NUP153: variants seen among roughly 807,000 people sequenced by gnomAD.
The protein encoded by NUP153 is nuclear pore complex protein Nup153.
In NUP153, 27 loss-of-function variants were observed where a neutral mutation model predicts 134.6. That is an observed-to-expected ratio of 0.20 (90% confidence interval 0.15 to 0.28). The LOEUF is 0.28. Ranked by LOEUF, NUP153 falls within the 10% of genes least tolerant of loss-of-function variation. The pLI, the probability that NUP153 is intolerant of heterozygous loss-of-function variation, is 1.00. For missense variants in NUP153, 1,821 were observed against 1,731.3 expected, an observed-to-expected ratio of 1.05 and a Z score of -0.92; for synonymous variants, 640 against 623.5, an observed-to-expected ratio of 1.03 and a Z score of -0.40.
chr6:17,680,568 C>CCATG lies in NUP153; in HGVS notation c.335-4802_335-4799dup, dbSNP rs1047399261. On this transcript the variant is annotated intron_variant, in intron 2 of 21. Coordinates refer to ENST00000262077, the MANE Select transcript of NUP153 (RefSeq NM_005124.4). The surrounding 1 kb of genome is among the most constrained non-coding windows in gnomAD (Gnocchi z 4.5). The stretch of plus-strand genomic sequence containing the variant: ...TCAGATACAACACTAAAAGCACAGG[C>CCATG]CATGGAAGCAAAAACAGACAAACAG... 3.3e-5 allele frequency among the ~76,000 whole-genome samples: 5 copies of CCATG among 152,090 alleles called. No homozygotes were observed. The highest frequency in any genetic ancestry group is 1.3e-4 in the Admixed American group (2 of 15,256).
chr6:17,702,985 G>T (rs189615577), intron 1 of NUP153, among the ~76,000 whole-genome samples: 5 of 121,740 alleles, frequency 4.1e-5, no homozygotes, highest in African/African-American at 1.2e-4. Flanking sequence ...TGGATCACCT[G>T]AGGTCAGGAG....
At chr6:17,668,844 A>G in intron 8 of NUP153, 131 bp downstream of exon 8, 1 of 586,844 alleles carries the variant, frequency 1.7e-6, no homozygotes, top group South Asian at 2.3e-5. Flanking sequence ...CTGAGACTCA[A>G]AAAAAAAAAG....
intron 1 of NUP153, among the ~76,000 whole-genome samples, chr6:17,693,054 C>G (rs1304020138): frequency 1.3e-5 from 2 of 152,120 alleles, no homozygotes; most frequent in African/African-American, 4.8e-5. Flanking sequence ...ACATACAGTT[C>G]ATAAAATTAT....
chr6:17,624,472 A>G (rs1764815178), intron 20 of NUP153, 89 bp downstream of exon 20: 3 of 1,230,432 alleles, frequency 2.4e-6, no homozygotes, highest in Non-Finnish European at 3.5e-6. Context: ...TTTTAAAATT[A>G]GACATATGAA....
At position 17,629,478 on chromosome 6, in the gene NUP153, G is replaced by A. The variant is rs1249630016; in HGVS notation, c.2721C>T (p.Val907=). 6.2e-7 allele frequency: 1 copy of A among 1,608,864 alleles called. No homozygotes were observed. The highest frequency in any genetic ancestry group is 1.1e-5 in the South Asian group (1 of 89,614). Reference sequence around the variant, plus strand: ...GAGAAGGCCCAGAAGAGGATGATGAGACACCAAATTTGAAGGATGAGGAGG... The same window carrying A: ...GAGAAGGCCCAGAAGAGGATGATGAAACACCAAATTTGAAGGATGAGGAGG... ...SAASSSFKFG[V]SSSSSGPSQT... The change falls in exon 18 of 22, where the codon GTC becomes GTT. Residue 907 remains valine, a synonymous_variant. Transcript: ENST00000262077.
intron 8 of NUP153, among the ~76,000 whole-genome samples, chr6:17,668,577 CTCACACCTTAG>C (rs1232491563): frequency 1.2e-4 from 18 of 152,156 alleles, no homozygotes; most frequent in African/African-American, 2.6e-4. Flanking sequence ...GGCACAGTGG[CTCACACCTTAG>C]TCCCGGCACT....
At chr6:17,651,785 C>A in intron 11 of NUP153, 2 of 555,482 alleles carry the variant, frequency 3.6e-6, no homozygotes, top group Middle Eastern at 3.9e-4. Flanking sequence ...CTCATGAGGG[C>A]CTCAAAATCC....
In NUP153 at chr6:17,626,069, T is replaced by C; in HGVS notation, c.3640A>G (p.Ser1214Gly). ...GGTGGATTGGAGGAAGAGGTGGAAC[T>C]ACCAAATATGCCACCACCAGCAGAA... ...ATSAGGGIFG[S>G]STSSSNPPVA... Residue 1214 changes from serine (S) to glycine (G), a missense_variant, in exon 19 of 22, where the codon AGT becomes GGT. By Grantham distance (56) the Ser-to-Gly change is moderately conservative (BLOSUM62 0). Transcript: ENST00000262077. 3 of 1,614,066 alleles carry C rather than the reference T, an allele frequency of 1.9e-6. No individual in the cohort carries two copies. Among genetic ancestry groups the C allele is most frequent in the Non-Finnish European group, 2.5e-6 (3 of 1,180,018 alleles).
Position 17,625,938 on chromosome 6 carries a change from A to C in NUP153, c.3771T>G (p.Asp1257Glu), listed in dbSNP as rs1581664481. The C allele has an allele frequency of 6.2e-7, 1 of 1,614,174 alleles. No homozygotes were observed. Residue 1257 changes from aspartate (D) to glutamate (E), a missense_variant, in exon 19 of 22, where the codon GAT (aspartate) becomes GAG (glutamate). Asp to Glu is a conservative substitution (Grantham distance 45). Coordinates refer to ENST00000262077, the MANE Select transcript of NUP153 (RefSeq NM_005124.4). The surrounding 1 kb of genome is among the most constrained non-coding windows in gnomAD (Gnocchi z 4.7). ...STSQSLLFSQ[D>E]SKLATTSSTG... ...TGCTGGATGTGGTTGCTAGTTTGCT[A>C]TCTTGAGAAAATAGCAAAGACTGAG... is the stretch of plus-strand genomic sequence containing the variant.
At chr6:17,681,031 AAATG>A (rs2113840932) in intron 2 of NUP153, among the ~76,000 whole-genome samples, 1 of 152,324 alleles carries the variant, frequency 6.6e-6, no homozygotes, top group South Asian at 2.1e-4. Flanking sequence ...ATCCATCCAC[AAATG>A]AATGGACAAA....
At chr6:17,673,141 G>C (rs1484668189) in intron 5 of NUP153, among the ~76,000 whole-genome samples, 2 of 152,188 alleles carry the variant, frequency 1.3e-5, no homozygotes, top group Non-Finnish European at 2.9e-5. Flanking sequence ...GGCCAACGCG[G>C]GTGAATCACA....
intron 1 of NUP153, among the ~76,000 whole-genome samples, chr6:17,691,416 A>C (rs1324187536): frequency 6.6e-6 from 1 of 152,222 alleles, no homozygotes; most frequent in Non-Finnish European, 1.5e-5. Context: ...CTAGTTACTT[A>C]TCCCATTTCC....
At chr6:17,701,831 T>TTGGG (rs1180643494) in intron 1 of NUP153, among the ~76,000 whole-genome samples, 3 of 15,054 alleles carry the variant, frequency 2.0e-4, no homozygotes, top group Admixed American at 1.3e-3. Context: ...AGACTCTGTC[T>TTGGG]CGGGGGGGGG....
rs922967651 is a variant in NUP153, at chr6:17,701,837, G to GC, written c.111+4439_111+4440insG. ...AACAGAGCAAGACTCTGTCTCGGGG[G>GC]GGGGGGGAAAAAAGCTAAATGCAGG... On this transcript the variant is annotated intron_variant, in intron 1 of 21. Coordinates refer to ENST00000262077, the MANE Select transcript of NUP153 (RefSeq NM_005124.4). Among the ~76,000 whole-genome samples, 215 of 106,752 alleles carry GC rather than the reference G, an allele frequency of 2.0e-3. 24 individuals carry two copies. The highest frequency in any genetic ancestry group is 6.7e-3 in the African/African-American group (189 of 28,206). 70.0% of individuals were successfully genotyped at this position (106,752 alleles called of 152,430 possible).
At chr6:17,631,087 T>C (rs866626179) in intron 17 of NUP153, among the ~76,000 whole-genome samples, 1 of 152,184 alleles carries the variant, frequency 6.6e-6, no homozygotes, top group African/African-American at 2.4e-5. Flanking sequence ...ATGCAGTGTT[T>C]TTCAAACTGC....
At chr6:17,674,159 G>A (rs1213347666) in intron 5 of NUP153, among the ~76,000 whole-genome samples, 4 of 152,182 alleles carry the variant, frequency 2.6e-5, no homozygotes, top group African/African-American at 9.7e-5. Context: ...GGTTGCCAGA[G>A]GGTTGTAGGA....
Position 17,637,456 on chromosome 6 carries a change from G to A in NUP153, c.2161C>T (p.Pro721Ser). 6.2e-7 allele frequency: 1 copy of A among 1,614,184 alleles called. No homozygotes were observed. The highest frequency in any genetic ancestry group is 1.1e-5 in the South Asian group (1 of 91,088). Reference protein sequence around the residue: ...SGTGFGDKFKPVIGTWDCDTC... With the variant: ...SGTGFGDKFKSVIGTWDCDTC... ...TCACAATCCCAAGTGCCTATCACTGGTTTAAATTTGTCTCCAAAGCCTGTC... is the reference window on the plus strand; with the variant it reads ...TCACAATCCCAAGTGCCTATCACTGATTTAAATTTGTCTCCAAAGCCTGTC... The change falls in exon 16 of 22, where the codon CCA becomes TCA. Residue 721 changes from proline (P) to serine (S), a missense_variant. Transcript: ENST00000262077.
Position 17,661,703 on chromosome 6 carries a change from T to C in NUP153, c.1345A>G (p.Met449Val), listed in dbSNP as rs1767194327. 6.2e-7 allele frequency: 1 copy of C among 1,614,018 alleles called. No homozygotes were observed. Among genetic ancestry groups the C allele is most frequent in the Non-Finnish European group, 8.5e-7 (1 of 1,179,948 alleles). Reference sequence around the variant, plus strand: ...ACAAAGCGTGTTCTTTCTCGTCTCATCTTGCCACCTCCACCACCTACTCCA... The same window carrying C: ...ACAAAGCGTGTTCTTTCTCGTCTCACCTTGCCACCTCCACCACCTACTCCA... Reference protein sequence around the residue: ...SSGVGGGGGKMRRERTRFVAS... With the variant: ...SSGVGGGGGKVRRERTRFVAS... The change falls in exon 11 of 22, where the codon ATG (methionine) becomes GTG (valine). Residue 449 changes from methionine (M) to valine (V), a missense_variant. Physicochemically the swap from Met to Val is conservative, Grantham distance 21 (BLOSUM62 1). Coordinates refer to ENST00000262077, the MANE Select transcript of NUP153 (RefSeq NM_005124.4).
Position 17,628,610 on chromosome 6 carries a change from T to TAAAAAA in NUP153, c.3544+39_3544+44dup. The TAAAAAA allele has an allele frequency of 1.1e-6, 1 of 932,464 alleles. No homozygotes were observed. Among genetic ancestry groups the TAAAAAA allele is most frequent in the African/African-American group, 1.8e-5 (1 of 57,050 alleles). 57.8% of individuals were successfully genotyped at this position (932,464 alleles called of 1,614,324 possible). A position where few individuals can be genotyped will look rare whatever the true frequency, so the allele number is the denominator to read the frequency against. On this transcript the variant is annotated intron_variant, in intron 18 of 21. Coordinates refer to ENST00000262077, the MANE Select transcript of NUP153 (RefSeq NM_005124.4). The surrounding 1 kb of genome is among the most constrained non-coding windows in gnomAD (Gnocchi z 5.4). ...AGGCAACTTGTAAAACGACAACTTG[T>TAAAAAA]AAAAAAAAAAATAATAATAATAATA...
Sources: gnomAD v4.1 joint callset for allele counts (sites outside exome capture counted in the v4.1 genomes callset) on GRCh38, gnomAD v4.1.1 for gene constraint, Gnocchi (gnomAD v3.1) non-coding constraint, MANE v1.5 for transcripts, NCBI Gene and HGNC (gene_info 2026-07-23, HGNC 2026-07-21) for gene names.